CBL: variants seen among roughly 807,000 people sequenced by gnomAD.
CBL encodes Cbl proto-oncogene.
CBL carries 45 observed loss-of-function variants against 96.9 expected under a neutral mutation model. The observed-to-expected ratio is 0.46, with a 90% confidence interval of 0.37 to 0.60. The LOEUF (loss-of-function observed/expected upper bound fraction) is 0.60. Ranked by LOEUF, CBL falls within the 20% of genes least tolerant of loss-of-function variation. The probability of loss-of-function intolerance (pLI) is 0.00; values close to 1 mark genes in which losing one functional copy is unlikely to be tolerated. For synonymous variants in CBL, 420 were observed against 426.8 expected, an observed-to-expected ratio of 0.98 and a Z score of 0.20; for missense variants, 1,024 against 1,143.5, an observed-to-expected ratio of 0.90 and a Z score of 1.51.
chr11:119,226,513 C>G (rs1297392730), intron 1 of CBL, among the ~76,000 whole-genome samples: 1 of 151,708 alleles, frequency 6.6e-6, no homozygotes, highest in Non-Finnish European at 1.5e-5. Context: ...GAGATGGGGT[C>G]TGTGGCATGT....
At chr11:119,275,130 T>C (rs1160474053) in intron 5 of CBL, among the ~76,000 whole-genome samples, 177 bp downstream of exon 5, 3 of 152,224 alleles carry the variant, frequency 2.0e-5, no homozygotes, top group Non-Finnish European at 4.4e-5. Flanking sequence ...TTGATAAATG[T>C]TTTCAGGCCA....
intron 9 of CBL, among the ~76,000 whole-genome samples, chr11:119,283,496 A>T (rs1196075180): frequency 6.6e-6 from 1 of 151,980 alleles, no homozygotes; most frequent in East Asian, 1.9e-4. Context: ...TGACAAGCTT[A>T]TCAGCTATTC....
intron 1 of CBL, among the ~76,000 whole-genome samples, chr11:119,224,863 A>G (rs1949443112): frequency 6.6e-6 from 1 of 152,096 alleles, no homozygotes; most frequent in Admixed American, 6.6e-5. Flanking sequence ...CGGGTGGCAG[A>G]GATGGAATAA....
intron 15 of CBL, among the ~76,000 whole-genome samples, chr11:119,299,119 A>G (rs769078326): frequency 3.3e-5 from 5 of 152,230 alleles, no homozygotes; most frequent in African/African-American, 9.6e-5. Flanking sequence ...ATGCTTCTTC[A>G]TTGCAACTTA....
At chr11:119,277,270 C>CACACACAT (rs993033451) in intron 6 of CBL, among the ~76,000 whole-genome samples, 3 of 151,578 alleles carry the variant, frequency 2.0e-5, no homozygotes, top group African/African-American at 7.3e-5. Context: ...CACACACACA[C>CACACACAT]ATAAAGAATT....
At chr11:119,242,176 A>G (rs558293599) in intron 2 of CBL, among the ~76,000 whole-genome samples, 2 of 152,202 alleles carry the variant, frequency 1.3e-5, no homozygotes, top group South Asian at 2.1e-4. Context: ...TAGATTGGGG[A>G]TAGGTATGGT....
intron 2 of CBL, among the ~76,000 whole-genome samples, chr11:119,266,120 T>C (rs1949801959): frequency 6.6e-6 from 1 of 151,938 alleles, no homozygotes; most frequent in Non-Finnish European, 1.5e-5. Context: ...CGCTTGAGTC[T>C]GGGAGGTCGA....
In CBL at chr11:119,302,297, A is replaced by G. The variant is rs1305929685; in HGVS notation, c.*2516A>G. 8.6e-6 allele frequency: 2 copies of G among 232,674 alleles called. No homozygotes were observed. Among genetic ancestry groups the G allele is most frequent in the African/African-American group, 2.2e-5 (1 of 45,326 alleles). 14.4% of individuals were successfully genotyped at this position (232,674 alleles called of 1,614,324 possible). ...GGGTCTGTGCCTGAGATTGCCAGGC[A>G]AGATTAAGGAAAGTTTTCATGTGGC... On this transcript the variant is annotated 3_prime_UTR_variant, in exon 16 of 16. Transcript: ENST00000264033.
intron 12 of CBL, among the ~76,000 whole-genome samples, chr11:119,293,264 C>T (rs1432906950): frequency 2.6e-5 from 4 of 152,076 alleles, no homozygotes; most frequent in African/African-American, 7.2e-5. Context: ...GCCACCACCA[C>T]GTCTGGCTAA....
chr11:119,209,161 C>G (rs1450036136), intron 1 of CBL, among the ~76,000 whole-genome samples: 9 of 152,308 alleles, frequency 5.9e-5, no homozygotes, highest in African/African-American at 1.9e-4. Flanking sequence ...ATTGCACCAT[C>G]TCTTTTACCC....
At chr11:119,287,008 A>G (rs910111338) in intron 11 of CBL, among the ~76,000 whole-genome samples, 1 of 152,246 alleles carries the variant, frequency 6.6e-6, no homozygotes, top group Admixed American at 6.5e-5. Flanking sequence ...AACCTGTAGC[A>G]GTAGGAGGAT....
Position 119,297,039 on chromosome 11 carries a change from GT to G in CBL, c.2153+7del. 6.8e-7 allele frequency: 1 copy of G among 1,469,566 alleles called. No homozygotes were observed. Among genetic ancestry groups the G allele is most frequent in the African/African-American group, 1.4e-5 (1 of 72,292 alleles). The allele number at this position is 1,469,566 out of a possible 1,614,324, so 91.0% of individuals were successfully genotyped here. A position where few individuals can be genotyped will look rare whatever the true frequency, so the allele number is the denominator to read the frequency against. ...GGATACATCCCAGAGTTCACGGTAG[GT>G]TCACAACAACCCTTTTTGGGCCCTA... On this transcript the variant is annotated splice_donor_region_variant and intron_variant, in intron 13 of 15. Coordinates refer to ENST00000264033, the MANE Select transcript of CBL (RefSeq NM_005188.4).
chr11:119,229,323 C>CT (rs1211396516), intron 1 of CBL, among the ~76,000 whole-genome samples: 3 of 152,100 alleles, frequency 2.0e-5, no homozygotes, highest in Non-Finnish European at 4.4e-5. Context: ...GAGGTGGAGT[C>CT]TTTTTTCCCT....
At chr11:119,269,494 C>T (rs772969935) in intron 2 of CBL, among the ~76,000 whole-genome samples, 6 of 151,628 alleles carry the variant, frequency 4.0e-5, no homozygotes, top group South Asian at 2.1e-4. Flanking sequence ...CGTGAACCAC[C>T]GCACCCGGCC....
chr11:119,287,800 G>C (rs373804373), intron 11 of CBL, 52 bp from the exon 12 acceptor site: 171 of 1,119,888 alleles, frequency 1.5e-4, no homozygotes, highest in Middle Eastern at 1.9e-4. Flanking sequence ...TAAGAGCAGA[G>C]GCTCAGCTGT....
intron 2 of CBL, among the ~76,000 whole-genome samples, chr11:119,233,272 A>T (rs1047755977): frequency 6.6e-6 from 1 of 152,122 alleles, no homozygotes; most frequent in African/African-American, 2.4e-5. Flanking sequence ...TTTTTTTGAG[A>T]CAGAGTCTGG....
intron 15 of CBL, 83 bp downstream of exon 15, chr11:119,298,623 G>GGT (rs1950079911): frequency 8.2e-7 from 1 of 1,222,220 alleles, no homozygotes; most frequent in Non-Finnish European, 1.2e-6. Flanking sequence ...GACCTTCTCT[G>GGT]GTGACAGTAA....
At chr11:119,230,053 G>A (rs1214731848) in intron 1 of CBL, among the ~76,000 whole-genome samples, 4 of 151,970 alleles carry the variant, frequency 2.6e-5, no homozygotes, top group Non-Finnish European at 5.9e-5. Flanking sequence ...GGGGGGAGAT[G>A]GTTAAGATAT....
intron 2 of CBL, among the ~76,000 whole-genome samples, chr11:119,246,683 C>T (rs1949634283): frequency 1.3e-5 from 2 of 152,066 alleles, no homozygotes; most frequent in Non-Finnish European, 2.9e-5. Context: ...AACTCCTGAC[C>T]TCAAGTGATC....
Sources: gnomAD v4.1 joint callset for allele counts (sites outside exome capture counted in the v4.1 genomes callset) on GRCh38, gnomAD v4.1.1 for gene constraint, MANE v1.5 for transcripts, NCBI Gene and HGNC (gene_info 2026-07-23, HGNC 2026-07-21) for gene names.